MYO5A: variants seen among roughly 807,000 people sequenced by gnomAD.
MYO5A encodes the protein myosin VA.
Under a neutral mutation model 249.7 loss-of-function variants are expected in MYO5A, and 98 were observed. The observed-to-expected ratio is 0.39, with a 90% CI of 0.33 to 0.46. The LOEUF is 0.46. Ranked by LOEUF, MYO5A falls within the 20% of genes least tolerant of loss-of-function variation. MYO5A has a pLI of 0.98. For synonymous variants in MYO5A, 778 were observed against 810.6 expected, an observed-to-expected ratio of 0.96 and a Z score of 0.68; for missense variants, 1,696 against 2,308.8, an observed-to-expected ratio of 0.73 and a Z score of 5.44.
chr15:52,390,293 G>A (rs916344625), intron 12 of MYO5A, among the ~76,000 whole-genome samples: 6 of 152,082 alleles, frequency 3.9e-5, no homozygotes, highest in African/African-American at 1.4e-4. Context: ...AAAGATAAAT[G>A]CTTGAGGGGA....
intron 1 of MYO5A, among the ~76,000 whole-genome samples, chr15:52,472,726 C>T (rs1190141899): frequency 6.6e-6 from 1 of 152,208 alleles, no homozygotes; most frequent in Admixed American, 6.5e-5. Context: ...ATGAACTCAT[C>T]CTTTTTTATG....
intron 3 of MYO5A, among the ~76,000 whole-genome samples, 186 bp downstream of exon 3, chr15:52,428,212 G>A (rs1264021832): frequency 6.6e-6 from 1 of 152,150 alleles, no homozygotes; most frequent in Non-Finnish European, 1.5e-5. Flanking sequence ...GCAAAATTAT[G>A]TAAGGTCACA....
chr15:52,347,091 TATTA>T (rs1350367315), intron 29 of MYO5A, among the ~76,000 whole-genome samples: 1 of 152,112 alleles, frequency 6.6e-6, no homozygotes, highest in African/African-American at 2.4e-5. Context: ...AGGTCAGAAT[TATTA>T]ATTATTTTAT....
intron 38 of MYO5A, among the ~76,000 whole-genome samples, chr15:52,320,161 T>G (rs2038231805): frequency 6.6e-6 from 1 of 152,210 alleles, no homozygotes; most frequent in Admixed American, 6.5e-5. Context: ...TCTCCCAGAA[T>G]TCGTCTTCTC....
chr15:52,345,347 C>T (rs1040813907), intron 30 of MYO5A, among the ~76,000 whole-genome samples: 12 of 152,060 alleles, frequency 7.9e-5, no homozygotes, highest in South Asian at 4.2e-4. Flanking sequence ...GTTGGGAGGC[C>T]GAAGCGGGTG....
At chr15:52,501,346 T>C (rs972755098) in intron 1 of MYO5A, among the ~76,000 whole-genome samples, 1 of 152,132 alleles carries the variant, frequency 6.6e-6, no homozygotes, top group African/African-American at 2.4e-5. Context: ...ATGCCTGTTA[T>C]CCCACCATTT....
intron 1 of MYO5A, among the ~76,000 whole-genome samples, chr15:52,482,140 G>A (rs2076727503): frequency 1.3e-5 from 2 of 152,180 alleles, no homozygotes; most frequent in Non-Finnish European, 2.9e-5. Flanking sequence ...AAGATCATAC[G>A]GAGAAAGATG....
intron 1 of MYO5A, among the ~76,000 whole-genome samples, chr15:52,468,808 C>T (rs2076401701): frequency 6.6e-6 from 1 of 152,128 alleles, no homozygotes; most frequent in African/African-American, 2.4e-5. Context: ...ACAGGCACAA[C>T]CTTTGAGAGA....
chr15:52,395,846 G>A (rs1376666882), intron 11 of MYO5A, among the ~76,000 whole-genome samples: 1 of 152,142 alleles, frequency 6.6e-6, no homozygotes, highest in Non-Finnish European at 1.5e-5. Flanking sequence ...TACTTCACAA[G>A]AGCCACTCAA....
At position 52,391,951 on chromosome 15, in the gene MYO5A, A is replaced by G. The variant is rs1400953543; in HGVS notation, c.1521T>C (p.Asp507=). The change falls in exon 12 of 42, where the codon GAT becomes GAC. Residue 507 remains aspartate (D), a synonymous_variant. Transcript: ENST00000399233. ...NLIESKLGIL[D]LLDEECKMPK... is the part of the protein sequence containing the mutation. Reference sequence around the variant, plus strand: ...TTACCTTGCATTCCTCATCCAGTAAATCTAGAATGCCTAGTTTTGATTCTA... The same window carrying G: ...TTACCTTGCATTCCTCATCCAGTAAGTCTAGAATGCCTAGTTTTGATTCTA... 1.2e-6 allele frequency: 2 copies of G among 1,613,150 alleles called. No individual in the cohort carries two copies. Among genetic ancestry groups the G allele is most frequent in the Non-Finnish European group, 1.7e-6 (2 of 1,179,528 alleles).
chr15:52,421,527 G>T (rs1197945151), intron 4 of MYO5A, among the ~76,000 whole-genome samples: 1 of 147,626 alleles, frequency 6.8e-6, no homozygotes, highest in Non-Finnish European at 1.5e-5. Context: ...CTCTTTGGAG[G>T]AAATAGTAAC....
In MYO5A at chr15:52,473,777, C is replaced by T. The variant is rs530311534; in HGVS notation, c.28-40492G>A. Among the ~76,000 whole-genome samples the T allele has an allele frequency of 3.3e-5, 5 of 152,262 alleles. No individual in the cohort carries two copies. The East Asian group carries it at 5.8e-4, about 18-fold the overall frequency. On this transcript the variant is annotated intron_variant, in intron 1 of 41. Transcript: ENST00000399233. ...TCTCTGTTTTGGTACCAGTACCATG[C>T]TGTTTTGGTTACTGTAGCCTTGTAG...
chr15:52,322,045 G>A (rs2038351013), intron 37 of MYO5A, among the ~76,000 whole-genome samples: 2 of 152,166 alleles, frequency 1.3e-5, no homozygotes, highest in Admixed American at 6.5e-5. Context: ...GGTTAGAAGG[G>A]AATCTTTGGT....
chr15:52,425,833 G>A lies in MYO5A; in HGVS notation c.452C>T (p.Ala151Val), dbSNP rs2075383461. The A allele has an allele frequency of 1.2e-6, 2 of 1,613,874 alleles. No individual in the cohort carries two copies. Among genetic ancestry groups the A allele is most frequent in the South Asian group, 1.1e-5 (1 of 91,070 alleles). Residue 151 changes from alanine (A) to valine (V), a missense_variant, in exon 4 of 42, where the codon GCC becomes GTC. Physicochemically the swap from Ala to Val is moderately conservative, Grantham distance 64. Around this residue, in one of 5 missense-constraint regions of MYO5A, gnomAD observed 197 missense variants for 320.3 expected, o/e 0.62. Coordinates refer to ENST00000399233, the MANE Select transcript of MYO5A (RefSeq NM_001382347.1). Reference sequence around the variant, plus strand: ...AACAATGAAAGCTTCTACCAACCTGGCCATTTGCTTGTAAGCTTCTTCAGC... The same window carrying A: ...AACAATGAAAGCTTCTACCAACCTGACCATTTGCTTGTAAGCTTCTTCAGC... Reference protein sequence around the residue: ...AVAEEAYKQMARDERNQSIIV... With the variant: ...AVAEEAYKQMVRDERNQSIIV...
chr15:52,349,505 A>AGAGC (rs1466921083), intron 28 of MYO5A, among the ~76,000 whole-genome samples: 1 of 152,154 alleles, frequency 6.6e-6, no homozygotes, highest in Non-Finnish European at 1.5e-5. Context: ...TAGGGTCAGG[A>AGAGC]GAGCAGCTGT....
intron 9 of MYO5A, among the ~76,000 whole-genome samples, chr15:52,398,038 G>A (rs1276891951): frequency 6.6e-6 from 1 of 152,138 alleles, no homozygotes; most frequent in East Asian, 1.9e-4. Context: ...CCAAGCCAAG[G>A]AAACAGCTGG....
At chr15:52,321,792 TAA>T (rs71875115) in intron 37 of MYO5A, among the ~76,000 whole-genome samples, 4,672 of 92,858 alleles carry the variant, frequency 0.05, 83 homozygotes, top group South Asian at 0.16. Flanking sequence ...GGAACTTAAC[TAA>T]AAAAAAAAAA....
intron 22 of MYO5A, among the ~76,000 whole-genome samples, chr15:52,369,739 A>G (rs961570378): frequency 6.6e-6 from 1 of 152,102 alleles, no homozygotes; most frequent in African/African-American, 2.4e-5. Flanking sequence ...ATTGCCAAAG[A>G]CTGATTTTGC....
Position 52,397,060 on chromosome 15 carries a change from T to A in MYO5A, c.1319+141A>T, listed in dbSNP as rs539510835. On this transcript the variant is annotated intron_variant, in intron 10 of 41. Transcript: ENST00000399233. Reference sequence around the variant, plus strand: ...GCAACACGCAATTGCATCACCATCATCAAGGTATTCTTGAATTGTCATAGG... The same window carrying A: ...GCAACACGCAATTGCATCACCATCAACAAGGTATTCTTGAATTGTCATAGG... 8 of 988,042 alleles carry A rather than the reference T, an allele frequency of 8.1e-6. No individual in the cohort carries two copies. In the African/African-American group the frequency reaches 1.1e-4, roughly 14 times the overall value. The allele number at this position is 988,042 out of a possible 1,614,324, so 61.2% of individuals were successfully genotyped here.
Sources: gnomAD v4.1 joint callset for allele counts (sites outside exome capture counted in the v4.1 genomes callset) on GRCh38, gnomAD v4.1.1 for gene constraint, gnomAD v4.1.1 regional missense constraint, MANE v1.5 for transcripts, NCBI Gene and HGNC (gene_info 2026-07-23, HGNC 2026-07-21) for gene names.